The following HOTAIR variants were observed in gnomAD, a reference collection of about 807,000 sequenced individuals.
HOTAIR encodes HOX transcript antisense RNA.
chr12:53,970,896 G>C (rs1042304172), intron 1 of HOTAIR, among the ~76,000 whole-genome samples: 2 of 152,172 alleles, frequency 1.3e-5, no homozygotes, highest in South Asian at 4.1e-4. Context: ...GGGCCAGGAG[G>C]GGGAAGGAAG....
rs562612832 is a variant in HOTAIR at position 53,974,936 on chromosome 12, C to A, written n.21G>T. ...CTTCTGTCCCAGACCCTGTCAGCCG[C>A]GGCTCTCGCCTGAGAACTGGGGACG... On this transcript the variant is annotated non_coding_transcript_exon_variant, in exon 1 of 7. Coordinates refer to ENST00000424518, the Ensembl canonical transcript of HOTAIR. The A allele has an allele frequency of 6.0e-6, 3 of 499,782 alleles. No individual in the cohort carries two copies. The African/African-American group carries it at 6.3e-5, about 11-fold the overall frequency. 31.0% of individuals were successfully genotyped at this position (499,782 alleles called of 1,614,324 possible).
intron 1 of HOTAIR, among the ~76,000 whole-genome samples, chr12:53,969,128 C>A (rs2136372970): frequency 6.6e-6 from 1 of 152,326 alleles, no homozygotes; most frequent in Non-Finnish European, 1.5e-5. Context: ...ACAGGGCAAT[C>A]CCACCCAGAA....
At position 53,973,735 on chromosome 12, in the gene HOTAIR, C is replaced by T; in HGVS notation, n.59+1163G>A. On this transcript the variant is annotated intron_variant and non_coding_transcript_variant, in intron 1 of 6. Transcript: ENST00000424518. This position sits in a 1 kb window ranked among gnomAD's most constrained non-coding sequence, Gnocchi z 4.3. ...AACGCCTACTGCGGTGGCGGCGACC[C>T]GCCCGCCGAGCCCCCCTGCTCCGGC... 1 of 1,612,798 alleles carries T rather than the reference C, an allele frequency of 6.2e-7. No individual in the cohort carries two copies. Among genetic ancestry groups the T allele is most frequent in the Non-Finnish European group, 8.5e-7 (1 of 1,179,794 alleles).
chr12:53,973,960 G>T lies in HOTAIR; in HGVS notation n.59+938C>A. 1 of 1,429,322 alleles carries T rather than the reference G, an allele frequency of 7.0e-7. No homozygotes were observed. The highest frequency in any genetic ancestry group is 9.2e-7 in the Non-Finnish European group (1 of 1,089,604). 88.5% of individuals were successfully genotyped at this position (1,429,322 alleles called of 1,614,324 possible). ...CGGCCGGGGAACGGGCGGGCAGCGA[G>T]GGAGGGAGCGAGAGAGGGAGGGCGA... On this transcript the variant is annotated intron_variant and non_coding_transcript_variant, in intron 1 of 6. Coordinates refer to ENST00000424518, the Ensembl canonical transcript of HOTAIR. This position sits in a 1 kb window ranked among gnomAD's most constrained non-coding sequence, Gnocchi z 4.3.
At chr12:53,962,704 T>A (rs200349340) in exon 7 of HOTAIR, 2 of 35,838 alleles carry the variant, frequency 5.6e-5, no homozygotes, top group Non-Finnish European at 2.2e-4. Flanking sequence ...CATCTGCTGA[T>A]TTTTTTTCTG....
intron 1 of HOTAIR, among the ~76,000 whole-genome samples, chr12:53,969,194 G>A (rs1259938050): frequency 2.0e-5 from 3 of 152,238 alleles, no homozygotes; most frequent in Non-Finnish European, 4.4e-5. Flanking sequence ...CAATAGCAGC[G>A]GCTCCATTTC....
chr12:53,974,384 G>GT (rs1939210538), intron 1 of HOTAIR, among the ~76,000 whole-genome samples: 1 of 151,948 alleles, frequency 6.6e-6, no homozygotes, highest in Admixed American at 6.6e-5. Flanking sequence ...AGGGGGAGAG[G>GT]TGGGGGAGAG....
intron 2 of HOTAIR, chr12:53,968,567 A>C (rs1939094344): frequency 6.6e-6 from 1 of 152,350 alleles, no homozygotes; most frequent in Non-Finnish European, 1.5e-5. Flanking sequence ...AATCCTGAGC[A>C]GAAGGCACTT....
chr12:53,966,321 A>C, exon 4 of HOTAIR: 1 of 146,602 alleles, frequency 6.8e-6, no homozygotes, highest in Non-Finnish European at 1.5e-5. Flanking sequence ...TCCACTCCCC[A>C]CTCCCCTACT....
At chr12:53,963,609 TC>T (rs1018874795) in exon 7 of HOTAIR, 4 of 152,340 alleles carry the variant, frequency 2.6e-5, no homozygotes, top group African/African-American at 7.2e-5. Context: ...CGACCGCTGC[TC>T]GGCTGAGCGG....
In HOTAIR at chr12:53,963,767, C is replaced by CG. The variant is rs201948416; in HGVS notation, n.961_962insC. On this transcript the variant is annotated non_coding_transcript_exon_variant, in exon 7 of 7. Transcript: ENST00000424518. ...GGCCCGGTGTGGGGCAGTGGCTGAC[C>CG]CGAGCCGGGTGCTGCCCCGGCACCC... 18 of 152,298 alleles carry CG rather than the reference C, an allele frequency of 1.2e-4. No homozygotes were observed. In the East Asian group the frequency reaches 3.5e-3, roughly 29 times the overall value. 9.4% of individuals were successfully genotyped at this position (152,298 alleles called of 1,614,324 possible).
exon 7 of HOTAIR, chr12:53,963,060 G>C (rs1161647261): frequency 6.6e-6 from 1 of 152,236 alleles, no homozygotes; most frequent in African/African-American, 2.4e-5. Context: ...GGTGGGTGCT[G>C]AACCTTCAAG....
At chr12:53,970,093 C>A (rs1716451701) in intron 1 of HOTAIR, among the ~76,000 whole-genome samples, 1 of 152,260 alleles carries the variant, frequency 6.6e-6, no homozygotes, top group Non-Finnish European at 1.5e-5. Context: ...CAGACCGCAG[C>A]CGCCTGCTAG....
In HOTAIR at chr12:53,973,890, G is replaced by A. The variant is rs1288132578; in HGVS notation, n.59+1008C>T. On this transcript the variant is annotated intron_variant and non_coding_transcript_variant, in intron 1 of 6. Coordinates refer to ENST00000424518, the Ensembl canonical transcript of HOTAIR. The surrounding 1 kb of genome is among the most constrained non-coding windows in gnomAD (Gnocchi z 4.3). The stretch of plus-strand genomic sequence containing the variant: ...CAGCTCGTCCGGTTCAGCCCACTCC[G>A]TGGCCAAGGAGCCGGCCAAAGGAGC... 6.9e-7 allele frequency: 1 copy of A among 1,447,896 alleles called. No homozygotes were observed. Among genetic ancestry groups the A allele is most frequent in the Non-Finnish European group, 9.1e-7 (1 of 1,099,148 alleles). 89.7% of individuals were successfully genotyped at this position (1,447,896 alleles called of 1,614,324 possible).
chr12:53,972,581 A>G (rs564346973), intron 1 of HOTAIR, among the ~76,000 whole-genome samples: 1 of 152,230 alleles, frequency 6.6e-6, no homozygotes, highest in Non-Finnish European at 1.5e-5. Flanking sequence ...TAAGGACTCC[A>G]GAAAGGTAGT....
At chr12:53,974,015 C>G (rs899379914) in intron 1 of HOTAIR, 532 of 1,139,114 alleles carry the variant, frequency 4.7e-4, no homozygotes, top group Non-Finnish European at 5.9e-4. Context: ...GGAGCGGGGA[C>G]GGCCTCGTGT....
intron 1 of HOTAIR, among the ~76,000 whole-genome samples, chr12:53,970,918 G>A (rs911750590): frequency 1.8e-4 from 27 of 152,210 alleles, no homozygotes; most frequent in African/African-American, 6.5e-4. Context: ...AGAGCCTTGG[G>A]TGGAAGTGGA....
chr12:53,967,875 A>T (rs1026689057), intron 2 of HOTAIR: 17 of 152,230 alleles, frequency 1.1e-4, no homozygotes, highest in African/African-American at 4.1e-4. Flanking sequence ...GCAGGGCCAG[A>T]CAACCTGGTG....
At chr12:53,972,347 G>A (rs1939161463) in intron 1 of HOTAIR, among the ~76,000 whole-genome samples, 1 of 152,190 alleles carries the variant, frequency 6.6e-6, no homozygotes, top group African/African-American at 2.4e-5. Context: ...ATTCACCCAG[G>A]GCCACTCTCT....
Sources: allele counts gnomAD v4.1 joint callset (sites outside exome capture counted in the v4.1 genomes callset), GRCh38; gene constraint gnomAD v4.1.1; non-coding constraint Gnocchi (gnomAD v3.1); transcripts MANE v1.5; gene names NCBI Gene and HGNC (gene_info 2026-07-23, HGNC 2026-07-21).